PLCB1: variants seen among roughly 807,000 people sequenced by gnomAD.
PLCB1 encodes the protein 1-phosphatidylinositol 4,5-bisphosphate phosphodiesterase beta-1.
In PLCB1, 46 loss-of-function variants were observed where a neutral mutation model predicts 161.8. That is an observed-to-expected ratio of 0.28 (90% CI 0.22 to 0.36). PLCB1 has a LOEUF of 0.36. PLCB1 is among the 10% of genes least tolerant of loss of function. PLCB1 has a pLI of 1.00. For synonymous variants in PLCB1, 517 were observed against 503.7 expected (o/e 1.03, Z -0.35); for missense variants, 1,016 against 1,472.5 (o/e 0.69, Z 5.07).
chr20:8,162,919 A>AGTAT (rs749373192), intron 2 of PLCB1, among the ~76,000 whole-genome samples: 5 of 152,254 alleles, frequency 3.3e-5, no homozygotes, highest in Non-Finnish European at 7.3e-5. Context: ...AACATATCAG[A>AGTAT]GTATATGCCT....
intron 2 of PLCB1, among the ~76,000 whole-genome samples, chr20:8,370,666 C>A (rs1986875012): frequency 1.3e-5 from 2 of 152,106 alleles, no homozygotes; most frequent in South Asian, 2.1e-4. Context: ...TTTCTCTGAG[C>A]CCCTAGGAAA....
chr20:8,314,322 A>G (rs539634026), intron 2 of PLCB1, among the ~76,000 whole-genome samples: 11 of 152,332 alleles, frequency 7.2e-5, no homozygotes, highest in East Asian at 5.8e-4. Context: ...TCGGAGTTGT[A>G]TCTTATCTTC....
intron 5 of PLCB1, 25 bp from the exon 6 acceptor site, chr20:8,647,875 C>G (rs756846317): frequency 4.4e-6 from 7 of 1,596,876 alleles, no homozygotes; most frequent in Non-Finnish European, 6.0e-6. Flanking sequence ...AAAATCAAAC[C>G]CTTGTTTTTC....
At chr20:8,416,813 C>G (rs991267693) in intron 3 of PLCB1, among the ~76,000 whole-genome samples, 1 of 151,726 alleles carries the variant, frequency 6.6e-6, no homozygotes, top group Non-Finnish European at 1.5e-5. Context: ...CTGAAGAGTA[C>G]TTGGCAAATT....
At chr20:8,774,508 G>T (rs775043525) in intron 26 of PLCB1, 31 bp from the exon 27 acceptor site, 1 of 1,566,606 alleles carries the variant, frequency 6.4e-7, no homozygotes. Context: ...TGGCCTGTCT[G>T]TTTTGTGAGT....
chr20:8,666,841 G>T (rs1989823489), intron 9 of PLCB1, among the ~76,000 whole-genome samples: 1 of 152,020 alleles, frequency 6.6e-6, no homozygotes, highest in South Asian at 2.1e-4. Context: ...TAAAGGTGCT[G>T]TCTTGGTGGA....
At chr20:8,749,003 C>T (rs1226183763) in intron 23 of PLCB1, among the ~76,000 whole-genome samples, 3 of 152,078 alleles carry the variant, frequency 2.0e-5, no homozygotes, top group Non-Finnish European at 2.9e-5. Flanking sequence ...TGTTACAATG[C>T]AGATTCAGAT....
chr20:8,178,165 CAT>C (rs1484369331), intron 2 of PLCB1, among the ~76,000 whole-genome samples: 19 of 152,148 alleles, frequency 1.2e-4, no homozygotes, highest in African/African-American at 4.6e-4. Context: ...CATACATGTG[CAT>C]ATGTCTTTAT....
intron 3 of PLCB1, among the ~76,000 whole-genome samples, chr20:8,509,543 G>A (rs1397995623): frequency 6.6e-6 from 1 of 152,138 alleles, no homozygotes; most frequent in Non-Finnish European, 1.5e-5. Context: ...TGAAGAGGAG[G>A]TAAAGAGAGA....
intron 2 of PLCB1, among the ~76,000 whole-genome samples, chr20:8,176,804 G>T (rs1049531299): frequency 4.6e-5 from 7 of 152,102 alleles, no homozygotes; most frequent in African/African-American, 1.2e-4. Flanking sequence ...AACTGCATAT[G>T]AAATCTGTAA....
At chr20:8,325,156 A>C (rs952483464) in intron 2 of PLCB1, among the ~76,000 whole-genome samples, 2 of 152,240 alleles carry the variant, frequency 1.3e-5, no homozygotes, top group Non-Finnish European at 1.5e-5. Context: ...CTCTGCAATA[A>C]AGAAGTGACT....
At chr20:8,402,776 C>A (rs780710192) in intron 3 of PLCB1, among the ~76,000 whole-genome samples, 7 of 151,596 alleles carry the variant, frequency 4.6e-5, no homozygotes, top group Admixed American at 2.6e-4. Context: ...ACCTGGGAGG[C>A]GGAGCTTGCA....
chr20:8,868,895 A>G (rs1464605166), intron 31 of PLCB1, among the ~76,000 whole-genome samples: 4 of 151,976 alleles, frequency 2.6e-5, no homozygotes, highest in African/African-American at 4.8e-5. Context: ...CGGCCTCCCA[A>G]AGTGCTGGGA....
At chr20:8,351,308 T>A (rs6086417) in intron 2 of PLCB1, among the ~76,000 whole-genome samples, 28,857 of 151,966 alleles carry the variant, frequency 0.19, 3,068 homozygotes, top group East Asian at 0.37. Flanking sequence ...AAATATGAAC[T>A]TAGAGTTCAT....
At chr20:8,330,104 T>C (rs896128876) in intron 2 of PLCB1, among the ~76,000 whole-genome samples, 1 of 152,206 alleles carries the variant, frequency 6.6e-6, no homozygotes, top group Non-Finnish European at 1.5e-5. Flanking sequence ...CAAAAAAATG[T>C]AGGACAAAAC....
At chr20:8,743,901 C>A (rs1303746853) in intron 23 of PLCB1, among the ~76,000 whole-genome samples, 1 of 152,112 alleles carries the variant, frequency 6.6e-6, no homozygotes, top group Non-Finnish European at 1.5e-5. Context: ...AAATTAATTT[C>A]TCTTTGGAAA....
At chr20:8,340,580 G>A (rs886455389) in intron 2 of PLCB1, among the ~76,000 whole-genome samples, 1 of 151,796 alleles carries the variant, frequency 6.6e-6, no homozygotes. Flanking sequence ...CCGCCACCAC[G>A]CCCGGCTAAT....
chr20:8,620,312 A>G (rs6140652), intron 3 of PLCB1, among the ~76,000 whole-genome samples: 1 of 152,236 alleles, frequency 6.6e-6, no homozygotes, highest in East Asian at 1.9e-4. Context: ...TATTTCCCAT[A>G]ATAACCTTTT....
At chr20:8,833,207 A>G (rs1986098358) in intron 31 of PLCB1, among the ~76,000 whole-genome samples, 1 of 152,180 alleles carries the variant, frequency 6.6e-6, no homozygotes, top group Non-Finnish European at 1.5e-5. Flanking sequence ...AAAGAGGTTT[A>G]ATGGACTCAT....
Sources: gnomAD v4.1 joint callset for allele counts (sites outside exome capture counted in the v4.1 genomes callset) on GRCh38, gnomAD v4.1.1 for gene constraint, MANE v1.5 for transcripts, NCBI Gene and HGNC (gene_info 2026-07-23, HGNC 2026-07-21) for gene names.